The following SHROOM2 variants were observed in gnomAD, a reference collection of about 807,000 sequenced individuals.
SHROOM2 encodes the protein shroom family member 2, also known as protein Shroom2.
Under a neutral mutation model 75.9 loss-of-function variants are expected in SHROOM2, and 33 were observed. The observed-to-expected ratio is 0.43, with a 90% confidence interval of 0.33 to 0.58. The LOEUF (loss-of-function observed/expected upper bound fraction) is 0.58, where lower values mean the gene tolerates loss of function less well. SHROOM2 is among the 20% of genes least tolerant of loss of function. The pLI is 0.04. For missense variants in SHROOM2, 1,434 were observed against 1,461.2 expected, an observed-to-expected ratio of 0.98 and a Z score of 0.30; for synonymous variants, 655 against 663.6, an observed-to-expected ratio of 0.99 and a Z score of 0.20.
intron 2 of SHROOM2, among the ~76,000 whole-genome samples, chrX:9,887,258 A>G (rs2084266044): frequency 8.9e-6 from 1 of 112,628 alleles, no homozygotes; most frequent in Non-Finnish European, 1.9e-5. Context: ...GATTTAAGGA[A>G]TCGGTGCATG....
At chrX:9,922,292 C>G (rs908023255) in intron 5 of SHROOM2, among the ~76,000 whole-genome samples, 9 of 111,775 alleles carry the variant, frequency 8.1e-5, no homozygotes, top group African/African-American at 2.9e-4. Flanking sequence ...CTCCTGGCCT[C>G]AAGTGACCCT....
chrX:9,876,973 A>G (rs1318462856), intron 2 of SHROOM2, among the ~76,000 whole-genome samples: 1 of 112,077 alleles, frequency 8.9e-6, no homozygotes, highest in African/African-American at 3.2e-5. Context: ...GGTTTTTTAA[A>G]CATGATTTGA....
At chrX:9,787,269 T>A (rs945927740) in intron 1 of SHROOM2, among the ~76,000 whole-genome samples, 1 of 112,365 alleles carries the variant, frequency 8.9e-6, no homozygotes, top group Non-Finnish European at 1.9e-5. Context: ...CCTGAAAGCC[T>A]GCTTCCTAAG....
At chrX:9,946,521 G>A in intron 9 of SHROOM2, 150 bp from the exon 10 acceptor site, 1 of 528,110 alleles carries the variant, frequency 1.9e-6, no homozygotes, top group African/African-American at 2.3e-5. Flanking sequence ...CCCTGGGTTT[G>A]TCTGTGTGGA....
At chrX:9,807,632 A>C (rs757203002) in intron 1 of SHROOM2, among the ~76,000 whole-genome samples, 1 of 112,593 alleles carries the variant, frequency 8.9e-6, no homozygotes, top group East Asian at 2.8e-4. Context: ...GCCGTAAAAA[A>C]AGCTGTCCAT....
chrX:9,919,299 A>G (rs1465281674), intron 5 of SHROOM2, among the ~76,000 whole-genome samples: 1 of 102,042 alleles, frequency 9.8e-6, no homozygotes, highest in Non-Finnish European at 2.0e-5. Context: ...CAATGGGTCC[A>G]GGAAATGTTT....
At chrX:9,881,932 G>A (rs1368212053) in intron 2 of SHROOM2, among the ~76,000 whole-genome samples, 1 of 112,080 alleles carries the variant, frequency 8.9e-6, no homozygotes, top group Non-Finnish European at 1.9e-5. Flanking sequence ...GCTCTGGGAA[G>A]GGAATTTGAG....
chrX:9,810,134 C>T (rs1483899822), intron 1 of SHROOM2, among the ~76,000 whole-genome samples: 1 of 112,390 alleles, frequency 8.9e-6, no homozygotes, highest in African/African-American at 3.2e-5. Context: ...TGCAGCTGGT[C>T]ACATGGTTGT....
chrX:9,918,805 A>T (rs1048262795), intron 5 of SHROOM2, among the ~76,000 whole-genome samples: 2 of 111,904 alleles, frequency 1.8e-5, no homozygotes, highest in African/African-American at 6.5e-5. Flanking sequence ...GCTTCTTATG[A>T]GGGTACTCAT....
chrX:9,897,999 C>T (rs1350104041), intron 4 of SHROOM2, 191 bp from the exon 5 acceptor site: 1 of 453,531 alleles, frequency 2.2e-6, no homozygotes, highest in Non-Finnish European at 4.0e-6. Context: ...CACGGTTTTA[C>T]AGGCTTCACG....
intron 2 of SHROOM2, among the ~76,000 whole-genome samples, chrX:9,885,996 C>T (rs1322328107): frequency 9.1e-6 from 1 of 110,198 alleles, no homozygotes; most frequent in Non-Finnish European, 1.9e-5. Context: ...AACTGCTGAC[C>T]GTGTCATATG....
At chrX:9,788,182 G>A (rs2083627197) in intron 1 of SHROOM2, among the ~76,000 whole-genome samples, 1 of 110,132 alleles carries the variant, frequency 9.1e-6, no homozygotes, top group African/African-American at 3.3e-5. Flanking sequence ...GAGCCACTGC[G>A]CTTGGCTCAG....
At chrX:9,875,336 T>C (rs772838899) in intron 2 of SHROOM2, among the ~76,000 whole-genome samples, 1 of 110,109 alleles carries the variant, frequency 9.1e-6, no homozygotes, top group East Asian at 2.8e-4. Flanking sequence ...AGCAGCACGT[T>C]TGTTCTTACA....
chrX:9,800,112 A>G (rs150346922), intron 1 of SHROOM2, among the ~76,000 whole-genome samples: 300 of 111,337 alleles, frequency 2.7e-3, no homozygotes, highest in African/African-American at 8.7e-3. Flanking sequence ...TCTCATGCCC[A>G]GCGTCACTGC....
chrX:9,827,911 C>T (rs1397131640), intron 1 of SHROOM2, among the ~76,000 whole-genome samples: 2 of 112,098 alleles, frequency 1.8e-5, no homozygotes, highest in Non-Finnish European at 3.8e-5. Flanking sequence ...TAAGAGTGCT[C>T]TTCCCATCAG....
intron 1 of SHROOM2, among the ~76,000 whole-genome samples, chrX:9,810,005 A>G (rs1250495800): frequency 8.9e-6 from 1 of 112,586 alleles, no homozygotes; most frequent in African/African-American, 3.2e-5. Flanking sequence ...GTCACACGAT[A>G]AGGGAAAAGA....
In SHROOM2 at chrX:9,834,205, C is replaced by T. The variant is rs376722856; in HGVS notation, c.166-39447C>T. ...GGTGGTGCTGAGCCAAGAGCTGCAG[C>T]GCTGGACCTGTCACCCTATCCCAGG... is the stretch of plus-strand genomic sequence containing the variant. On this transcript the variant is annotated intron_variant, in intron 1 of 9. Transcript: ENST00000380913. Among the ~76,000 whole-genome samples the T allele has an allele frequency of 2.3e-4, 26 of 111,992 alleles. No individual in the cohort carries two copies. In the East Asian group the frequency reaches 4.0e-3, roughly 17 times the overall value.
chrX:9,873,930 T>C (rs936358491), intron 2 of SHROOM2, 127 bp downstream of exon 2: 1 of 686,422 alleles, frequency 1.5e-6, no homozygotes, highest in Non-Finnish European at 2.1e-6. Flanking sequence ...CTTAGAGTTA[T>C]ATGTCTCGGC....
chrX:9,831,582 T>C (rs1332911554), intron 1 of SHROOM2, among the ~76,000 whole-genome samples: 3 of 112,285 alleles, frequency 2.7e-5, no homozygotes, highest in African/African-American at 9.7e-5. Flanking sequence ...CGCTTGAACC[T>C]GGGAGGCGGA....
Sources: allele counts gnomAD v4.1 joint callset (sites outside exome capture counted in the v4.1 genomes callset), GRCh38; gene constraint gnomAD v4.1.1; transcripts MANE v1.5; gene names NCBI Gene and HGNC (gene_info 2026-07-23, HGNC 2026-07-21).